Variants in CACNG4 observed in about 807,000 individuals in gnomAD.
CACNG4 encodes voltage-dependent calcium channel gamma-4 subunit.
In CACNG4, 8 loss-of-function variants were observed where a neutral mutation model predicts 22.9. That is an observed-to-expected ratio of 0.35 (90% confidence interval 0.21 to 0.63). The LOEUF is 0.63. Among genes scored for constraint, CACNG4 ranks in the 30% least tolerant of loss-of-function variants. The pLI, the probability that CACNG4 is intolerant of heterozygous loss-of-function variation, is 0.72. For missense variants in CACNG4, 357 were observed against 455.4 expected (o/e 0.78, Z 1.97); for synonymous variants, 188 against 191.9 (o/e 0.98, Z 0.17).
At position 66,984,992 on chromosome 17, in the gene CACNG4, G is replaced by C. The variant is rs938741897; in HGVS notation, c.220+19861G>C. 6.6e-6 allele frequency among the ~76,000 whole-genome samples: 1 copy of C among 152,146 alleles called. No homozygotes were observed. The highest frequency in any genetic ancestry group is 1.5e-5 in the Non-Finnish European group (1 of 68,016). On this transcript the variant is annotated intron_variant, in intron 1 of 3. Coordinates refer to ENST00000262138, the MANE Select transcript of CACNG4 (RefSeq NM_014405.4). The surrounding 1 kb of genome is among the most constrained non-coding windows in gnomAD (Gnocchi z 4.0). The stretch of plus-strand genomic sequence containing the variant: ...CCAGCTCAACGAGACCAGACCAAAG[G>C]GTGGCAGGGGACTGACATGGTTGGG...
At chr17:66,976,764 G>A (rs1282998032) in intron 1 of CACNG4, among the ~76,000 whole-genome samples, 1 of 152,184 alleles carries the variant, frequency 6.6e-6, no homozygotes, top group African/African-American at 2.4e-5. Context: ...AGGACACAGT[G>A]ACTTCAGGCT....
At position 67,031,381 on chromosome 17, in the gene CACNG4, C is replaced by G; in HGVS notation, c.*377C>G. On this transcript the variant is annotated 3_prime_UTR_variant, in exon 4 of 4. Transcript: ENST00000262138. This position sits in a 1 kb window ranked among gnomAD's most constrained non-coding sequence, Gnocchi z 4.0. ...TTGCCAGAAAAACGGGATTTCAGGG[C>G]CTTCCCTCCCTGCCTGGGTGTCGGG... 2.1e-6 allele frequency: 1 copy of G among 471,184 alleles called. No individual in the cohort carries two copies. Among genetic ancestry groups the G allele is most frequent in the Non-Finnish European group, 4.2e-6 (1 of 237,114 alleles). The allele number at this position is 471,184 out of a possible 1,614,324, so 29.2% of individuals were successfully genotyped here.
intron 1 of CACNG4, among the ~76,000 whole-genome samples, chr17:66,995,483 G>A (rs1329364906): frequency 2.0e-5 from 3 of 152,204 alleles, no homozygotes; most frequent in Non-Finnish European, 4.4e-5. Flanking sequence ...TGGTTTGCCA[G>A]CATCTTCTCG....
At chr17:66,974,606 G>A (rs118107995) in intron 1 of CACNG4, among the ~76,000 whole-genome samples, 5 of 152,274 alleles carry the variant, frequency 3.3e-5, no homozygotes, top group East Asian at 1.9e-4. Context: ...CAGAGTGCTC[G>A]TTAGGGTACC....
chr17:67,013,223 C>G (rs1411495541), intron 1 of CACNG4, among the ~76,000 whole-genome samples: 1 of 152,108 alleles, frequency 6.6e-6, no homozygotes, highest in East Asian at 1.9e-4. Flanking sequence ...AAATGCTGCC[C>G]ACACACCCTC....
chr17:66,989,924 C>T (rs147842724), intron 1 of CACNG4, among the ~76,000 whole-genome samples: 6 of 145,530 alleles, frequency 4.1e-5, no homozygotes, highest in Admixed American at 3.4e-4. Context: ...TGACTATTTC[C>T]AAGGCTGGAC....
At chr17:67,024,399 C>T (rs372825772) in intron 2 of CACNG4, among the ~76,000 whole-genome samples, 308 of 152,354 alleles carry the variant, frequency 2.0e-3, no homozygotes, top group Middle Eastern at 0.014. Flanking sequence ...GCAGGGCCCA[C>T]GCCCAGACCC....
At chr17:66,981,875 T>C (rs1465790573) in intron 1 of CACNG4, among the ~76,000 whole-genome samples, 5 of 152,242 alleles carry the variant, frequency 3.3e-5, no homozygotes. Context: ...ACTAGTTAAT[T>C]ACTTAACTAT....
chr17:67,022,333 C>T (rs1312188734), intron 2 of CACNG4, among the ~76,000 whole-genome samples: 1 of 152,146 alleles, frequency 6.6e-6, no homozygotes, highest in Admixed American at 6.5e-5. Context: ...CCTCGGGCTC[C>T]CAAAGTGCTG....
intron 1 of CACNG4, among the ~76,000 whole-genome samples, chr17:66,997,006 G>A (rs1260642214): frequency 6.6e-6 from 1 of 152,130 alleles, no homozygotes; most frequent in East Asian, 1.9e-4. Flanking sequence ...CGGAGCTCAG[G>A]GTTATTGGAG....
rs538687229 is a variant in CACNG4 at position 67,004,280 on chromosome 17, G to A, written c.221-13909G>A. Among the ~76,000 whole-genome samples the A allele has an allele frequency of 2.0e-5, 3 of 152,338 alleles. No homozygotes were observed. In the East Asian group the frequency reaches 5.8e-4, roughly 29 times the overall value. On this transcript the variant is annotated intron_variant, in intron 1 of 3. Transcript: ENST00000262138. ...GTGTTAGGAGAGAAAAGGAGCGGTT[G>A]GTTGGGGAAATCTCTCCGGCTCCGT...
intron 1 of CACNG4, among the ~76,000 whole-genome samples, chr17:66,998,854 G>A (rs1054261277): frequency 7.9e-5 from 12 of 152,330 alleles, no homozygotes; most frequent in African/African-American, 2.4e-4. Context: ...TGGAGCATGG[G>A]TGCCTAGCCT....
intron 1 of CACNG4, among the ~76,000 whole-genome samples, chr17:66,991,779 G>A (rs968796703): frequency 2.6e-5 from 4 of 152,136 alleles, no homozygotes; most frequent in Non-Finnish European, 4.4e-5. Flanking sequence ...GCCAAAGGCC[G>A]GAAACCTTGT....
chr17:66,988,343 A>G (rs755337021), intron 1 of CACNG4, among the ~76,000 whole-genome samples: 12 of 152,246 alleles, frequency 7.9e-5, no homozygotes, highest in Middle Eastern at 3.4e-3. Context: ...GTGTGCATGT[A>G]TCTCATCTCC....
chr17:66,994,649 T>C (rs1431528254), intron 1 of CACNG4, among the ~76,000 whole-genome samples: 2 of 152,220 alleles, frequency 1.3e-5, no homozygotes, highest in African/African-American at 4.8e-5. Flanking sequence ...AGGTCCCGGC[T>C]TTCTCCAGTT....
chr17:67,001,312 A>G (rs925527235), intron 1 of CACNG4, among the ~76,000 whole-genome samples: 3 of 152,056 alleles, frequency 2.0e-5, no homozygotes, highest in African/African-American at 7.2e-5. Flanking sequence ...GAACAGACTA[A>G]TACACACCCC....
chr17:66,987,386 G>A (rs1040677511), intron 1 of CACNG4, among the ~76,000 whole-genome samples: 10 of 152,196 alleles, frequency 6.6e-5, no homozygotes, highest in Non-Finnish European at 1.5e-4. Context: ...AACTCACCTA[G>A]TGAGAGTCAC....
chr17:66,975,081 A>G (rs937900404), intron 1 of CACNG4, among the ~76,000 whole-genome samples: 1 of 152,140 alleles, frequency 6.6e-6, no homozygotes, highest in African/African-American at 2.4e-5. Flanking sequence ...GGTGTCGGGA[A>G]ATGCTGTTTA....
chr17:67,007,585 C>A (rs2035445096), intron 1 of CACNG4, among the ~76,000 whole-genome samples: 1 of 152,032 alleles, frequency 6.6e-6, no homozygotes, highest in Non-Finnish European at 1.5e-5. Flanking sequence ...TACTCTGCAG[C>A]CTGGGCCAGG....
Sources: gnomAD v4.1 joint callset for allele counts (sites outside exome capture counted in the v4.1 genomes callset) on GRCh38, gnomAD v4.1.1 for gene constraint, Gnocchi (gnomAD v3.1) non-coding constraint, MANE v1.5 for transcripts, NCBI Gene and HGNC (gene_info 2026-07-23, HGNC 2026-07-21) for gene names.